Variants in CTNNA3 observed in about 807,000 individuals in gnomAD.
The protein encoded by CTNNA3 is catenin alpha-3.
CTNNA3 carries 76 observed loss-of-function variants against 95.7 expected under a neutral mutation model. That is an observed-to-expected ratio of 0.79 (90% CI 0.66 to 0.96). The LOEUF is 0.96. CTNNA3 is among the 40% of genes least tolerant of loss of function. CTNNA3 has a pLI of 0.00. For synonymous variants in CTNNA3, 431 were observed against 374.4 expected, an observed-to-expected ratio of 1.15 and a Z score of -1.74; for missense variants, 1,191 against 1,089.8, an observed-to-expected ratio of 1.09 and a Z score of -1.31.
At chr10:67,471,745 A>G (rs1847838380) in intron 5 of CTNNA3, among the ~76,000 whole-genome samples, 1 of 152,202 alleles carries the variant, frequency 6.6e-6, no homozygotes, top group Non-Finnish European at 1.5e-5. Context: ...GACCATGTAC[A>G]TTTTGGCCTT....
At chr10:66,960,910 G>A (rs1849073076) in intron 7 of CTNNA3, among the ~76,000 whole-genome samples, 1 of 152,100 alleles carries the variant, frequency 6.6e-6, no homozygotes, top group South Asian at 2.1e-4. Flanking sequence ...AAATGGGAAT[G>A]GTTCTTAAGT....
intron 9 of CTNNA3, among the ~76,000 whole-genome samples, chr10:66,630,702 C>T (rs1381693328): frequency 6.6e-6 from 1 of 152,152 alleles, no homozygotes; most frequent in African/African-American, 2.4e-5. Context: ...TGACCTCTGG[C>T]TAACAAGTCA....
At chr10:66,360,230 C>T (rs1001436546) in intron 12 of CTNNA3, among the ~76,000 whole-genome samples, 4 of 151,868 alleles carry the variant, frequency 2.6e-5, no homozygotes, top group African/African-American at 9.7e-5. Context: ...AATTTCTCAT[C>T]CCTCTATCAT....
intron 13 of CTNNA3, among the ~76,000 whole-genome samples, chr10:66,103,820 T>G (rs1052975759): frequency 1.3e-5 from 2 of 152,190 alleles, no homozygotes; most frequent in African/African-American, 4.8e-5. Flanking sequence ...TCACAAACCC[T>G]TCTGAATATA....
chr10:66,207,445 A>G (rs915652359), intron 13 of CTNNA3, among the ~76,000 whole-genome samples: 1 of 151,946 alleles, frequency 6.6e-6, no homozygotes, highest in African/African-American at 2.4e-5. Flanking sequence ...AAAATACACA[A>G]TATATTTTTC....
At chr10:67,363,716 A>T (rs967755425) in intron 5 of CTNNA3, among the ~76,000 whole-genome samples, 4 of 152,216 alleles carry the variant, frequency 2.6e-5, no homozygotes, top group Non-Finnish European at 5.9e-5. Context: ...ATAAACTAGA[A>T]AATCTAGAAA....
intron 13 of CTNNA3, among the ~76,000 whole-genome samples, chr10:66,116,096 T>A (rs907122060): frequency 6.6e-6 from 1 of 152,192 alleles, no homozygotes; most frequent in African/African-American, 2.4e-5. Flanking sequence ...TTATGCTCTG[T>A]ATTTAAAGAG....
rs1487940881 is a variant in CTNNA3, at chr10:67,448,592, C to T, written c.579+73250G>A. Among the ~76,000 whole-genome samples, 10 of 151,570 alleles carry T rather than the reference C, an allele frequency of 6.6e-5. No individual in the cohort carries two copies. The East Asian group carries it at 1.5e-3, about 23-fold the overall frequency. ...AATAAAACATATCATTTAATAAACG[C>T]TTTTGGGATAATTGATTATGTATTT... On this transcript the variant is annotated intron_variant, in intron 5 of 17. Coordinates refer to ENST00000433211, the MANE Select transcript of CTNNA3 (RefSeq NM_013266.4).
At chr10:66,713,543 T>C (rs144654898) in intron 9 of CTNNA3, among the ~76,000 whole-genome samples, 2 of 152,210 alleles carry the variant, frequency 1.3e-5, no homozygotes, top group Admixed American at 1.3e-4. Flanking sequence ...GTTGGGTTGC[T>C]GGTTCCCTAC....
intron 9 of CTNNA3, among the ~76,000 whole-genome samples, chr10:66,750,471 A>G (rs546753441): frequency 3.3e-5 from 5 of 152,332 alleles, no homozygotes; most frequent in African/African-American, 1.2e-4. Context: ...CTGAAAAACT[A>G]TCTTTTCTCC....
intron 6 of CTNNA3, among the ~76,000 whole-genome samples, chr10:67,200,194 T>A (rs963598947): frequency 9.2e-5 from 14 of 152,296 alleles, no homozygotes; most frequent in African/African-American, 3.4e-4. Flanking sequence ...TGAGAAATGA[T>A]TAAATTTAAA....
At chr10:67,342,987 C>G (rs1330092024) in intron 5 of CTNNA3, among the ~76,000 whole-genome samples, 1 of 152,104 alleles carries the variant, frequency 6.6e-6, no homozygotes, top group African/African-American at 2.4e-5. Flanking sequence ...GACTCTTGCT[C>G]TATCACCCAG....
intron 3 of CTNNA3, among the ~76,000 whole-genome samples, chr10:67,558,907 A>T (rs1192939335): frequency 6.6e-6 from 1 of 152,214 alleles, no homozygotes; most frequent in Non-Finnish European, 1.5e-5. Flanking sequence ...GCTGAGATCA[A>T]ACTGCAAGGT....
Position 66,221,006 on chromosome 10 carries a change from G to A in CTNNA3, c.1884+59464C>T, listed in dbSNP as rs180915308. Among the ~76,000 whole-genome samples, 27 of 152,232 alleles carry A rather than the reference G, an allele frequency of 1.8e-4. No homozygotes were observed. In the East Asian group the frequency reaches 4.5e-3, roughly 25 times the overall value. ...GATGGTAGGGCCCTCGCCAGGGATC[G>A]CCCGCTTCTACCCAGTATTTCCCTG... is the stretch of plus-strand genomic sequence containing the variant. On this transcript the variant is annotated intron_variant, in intron 13 of 17. Transcript: ENST00000433211.
chr10:66,692,247 C>G (rs946173369), intron 9 of CTNNA3, among the ~76,000 whole-genome samples: 1 of 152,058 alleles, frequency 6.6e-6, no homozygotes, highest in Non-Finnish European at 1.5e-5. Context: ...ACCACAAGAA[C>G]CAATAAAGAG....
At chr10:67,236,259 C>G (rs1299656115) in intron 5 of CTNNA3, among the ~76,000 whole-genome samples, 2 of 149,908 alleles carry the variant, frequency 1.3e-5, no homozygotes, top group African/African-American at 2.5e-5. Flanking sequence ...TTGGAACCAA[C>G]CCAAATGTCC....
intron 10 of CTNNA3, among the ~76,000 whole-genome samples, chr10:66,562,231 T>G (rs1358312198): frequency 6.6e-6 from 1 of 152,138 alleles, no homozygotes; most frequent in African/African-American, 2.4e-5. Context: ...CAGCTTGACT[T>G]TGTTTTCATA....
chr10:67,308,120 A>T (rs904247564), intron 5 of CTNNA3, among the ~76,000 whole-genome samples: 1 of 152,170 alleles, frequency 6.6e-6, no homozygotes, highest in South Asian at 2.1e-4. Context: ...ACATTATAGC[A>T]TTTAATTATC....
chr10:65,925,894 T>C (rs927937953), intron 17 of CTNNA3, among the ~76,000 whole-genome samples: 1 of 151,944 alleles, frequency 6.6e-6, no homozygotes, highest in African/African-American at 2.4e-5. Context: ...TCTTAAGCCA[T>C]CTGATTCCTT....
Sources: allele counts gnomAD v4.1 joint callset (sites outside exome capture counted in the v4.1 genomes callset), GRCh38; gene constraint gnomAD v4.1.1; transcripts MANE v1.5; gene names NCBI Gene and HGNC (gene_info 2026-07-23, HGNC 2026-07-21).